The following CACNB4 variants were observed in gnomAD, a reference collection of about 807,000 sequenced individuals.
CACNB4 encodes the protein calcium voltage-gated channel auxiliary subunit beta 4, also known as voltage-dependent L-type calcium channel subunit beta-4.
A neutral mutation model predicts 71.2 loss-of-function variants in CACNB4; 32 were observed. The ratio of observed to expected loss-of-function variants is 0.45; its 90% CI spans 0.34 to 0.60. The LOEUF (loss-of-function observed/expected upper bound fraction) is 0.60, where lower values mean the gene tolerates loss of function less well. Among genes scored for constraint, CACNB4 ranks in the 20% least tolerant of loss-of-function variants. CACNB4 has a pLI of 0.01. For synonymous variants in CACNB4, 231 were observed against 236.9 expected (o/e 0.97, Z 0.23); for missense variants, 464 against 647.9 (o/e 0.72, Z 3.08).
At chr2:152,071,045 C>T (rs961809770) in intron 2 of CACNB4, among the ~76,000 whole-genome samples, 9 of 152,248 alleles carry the variant, frequency 5.9e-5, no homozygotes, top group African/African-American at 2.2e-4. Flanking sequence ...AGATTACAGG[C>T]GTGAGCCACT....
chr2:152,016,630 T>G (rs1203265319), intron 2 of CACNB4, among the ~76,000 whole-genome samples: 1 of 152,230 alleles, frequency 6.6e-6, no homozygotes, highest in Non-Finnish European at 1.5e-5. Context: ...GACATGACCA[T>G]GACCCACAGT....
At chr2:151,859,056 T>C (rs1294062472) in intron 10 of CACNB4, 4 of 152,220 alleles carry the variant, frequency 2.6e-5, no homozygotes, top group Non-Finnish European at 1.5e-5. Context: ...CAATAAACAT[T>C]TGATGAAGGA....
intron 2 of CACNB4, among the ~76,000 whole-genome samples, chr2:152,001,471 C>T (rs955479609): frequency 6.9e-6 from 1 of 144,586 alleles, no homozygotes; most frequent in African/African-American, 2.6e-5. Flanking sequence ...GGTGGATCAC[C>T]TGAGGTCAGG....
chr2:151,855,455 G>A (rs1464468024), intron 10 of CACNB4, 80 bp from the exon 11 acceptor site: 1 of 1,066,502 alleles, frequency 9.4e-7, no homozygotes, highest in Non-Finnish European at 1.3e-6. Context: ...TATATTTTCA[G>A]ATATGTTGGT....
At chr2:151,890,722 A>G (rs2099850534) in intron 2 of CACNB4, among the ~76,000 whole-genome samples, 1 of 152,208 alleles carries the variant, frequency 6.6e-6, no homozygotes, top group Non-Finnish European at 1.5e-5. Flanking sequence ...TGATAGACGT[A>G]TTTTTTAAAA....
At chr2:152,054,921 T>C (rs1268321683) in intron 2 of CACNB4, among the ~76,000 whole-genome samples, 1 of 152,206 alleles carries the variant, frequency 6.6e-6, no homozygotes, top group African/African-American at 2.4e-5. Flanking sequence ...GAAACGTCTT[T>C]TCTACTGAGT....
Position 151,897,086 on chromosome 2 carries a change from G to T in CACNB4, c.148-13716C>A, listed in dbSNP as rs58227631. On this transcript the variant is annotated intron_variant, in intron 2 of 13. Transcript: ENST00000539935. ...CTCTTTCTGTCTCTGCATTTAGATTGAACTAAAAATTACTGAGAATGCTAG... is the reference window on the plus strand; with the variant it reads ...CTCTTTCTGTCTCTGCATTTAGATTTAACTAAAAATTACTGAGAATGCTAG... Among the ~76,000 whole-genome samples, 118 of 152,304 alleles carry T rather than the reference G, an allele frequency of 7.7e-4. 1 individual carries two copies. Among genetic ancestry groups the T allele is most frequent in the African/African-American group, 2.6e-3 (106 of 41,562 alleles).
intron 2 of CACNB4, among the ~76,000 whole-genome samples, chr2:152,078,937 C>T (rs925664973): frequency 1.3e-5 from 2 of 152,118 alleles, no homozygotes; most frequent in African/African-American, 4.8e-5. Context: ...GTGTGTGGTC[C>T]ACCATGTCTC....
intron 2 of CACNB4, among the ~76,000 whole-genome samples, chr2:151,986,001 T>G (rs569212032): frequency 5.9e-5 from 9 of 152,320 alleles, no homozygotes; most frequent in Admixed American, 6.5e-5. Context: ...GGCAAATGAA[T>G]GAGACGACTG....
intron 2 of CACNB4, among the ~76,000 whole-genome samples, chr2:151,893,537 C>G (rs1455525806): frequency 2.0e-5 from 3 of 152,080 alleles, no homozygotes; most frequent in Non-Finnish European, 4.4e-5. Flanking sequence ...CCATCGCACT[C>G]AGTCTTATAG....
chr2:151,941,275 ATTTTTTT>A (rs11346045), intron 2 of CACNB4, among the ~76,000 whole-genome samples: 3 of 112,302 alleles, frequency 2.7e-5, no homozygotes, highest in Non-Finnish European at 5.3e-5. Context: ...AAAATGGTTA[ATTTTTTT>A]TTTTTTTTTT....
chr2:152,063,204 T>A (rs1686115361), intron 2 of CACNB4, among the ~76,000 whole-genome samples: 1 of 152,210 alleles, frequency 6.6e-6, no homozygotes, highest in Admixed American at 6.5e-5. Context: ...TTAGTTATTC[T>A]CAACCAGTTT....
At chr2:151,884,841 AG>A (rs1213677333) in intron 2 of CACNB4, among the ~76,000 whole-genome samples, 1 of 152,254 alleles carries the variant, frequency 6.6e-6, no homozygotes, top group East Asian at 1.9e-4. Flanking sequence ...TACACAGCAG[AG>A]GTATTGGGAG....
intron 2 of CACNB4, among the ~76,000 whole-genome samples, chr2:151,982,459 C>T (rs1450074943): frequency 9.9e-5 from 15 of 152,028 alleles, no homozygotes; most frequent in Admixed American, 9.8e-4. Context: ...CAGTGAAACC[C>T]TGTCTCTACT....
chr2:151,899,377 G>A (rs2099852844), intron 2 of CACNB4, among the ~76,000 whole-genome samples: 1 of 152,066 alleles, frequency 6.6e-6, no homozygotes, highest in Non-Finnish European at 1.5e-5. Flanking sequence ...CAGAAGGAAG[G>A]TCCCTGGAAT....
intron 2 of CACNB4, among the ~76,000 whole-genome samples, chr2:152,024,056 A>T (rs1244303811): frequency 6.6e-6 from 1 of 152,218 alleles, no homozygotes. Flanking sequence ...ACAGTGGCTC[A>T]CGCCTGCAAG....
intron 2 of CACNB4, chr2:151,973,376 T>C: frequency 2.6e-6 from 1 of 385,344 alleles, no homozygotes; most frequent in Non-Finnish European, 4.7e-6. Context: ...CAAGGAGCAG[T>C]TACCCCTGGT....
Position 151,842,011 on chromosome 2 carries a change from G to C in CACNB4, c.1194C>G (p.Tyr398Ter). 6.2e-7 allele frequency: 1 copy of C among 1,613,866 alleles called. No homozygotes were observed. Among genetic ancestry groups the C allele is most frequent in the Non-Finnish European group, 8.5e-7 (1 of 1,179,776 alleles). Reference sequence around the variant, plus strand: ...TACTGGTTGTGTGGGTGGCACGCCAGTACGCCTCCAGGTACTCCCCTAGAT... The same window carrying C: ...TACTGGTTGTGTGGGTGGCACGCCACTACGCCTCCAGGTACTCCCCTAGAT... ...CEHLGEYLEA[Y>*]WRATHTTSST... is the part of the protein sequence containing the mutation. Residue 398 changes from tyrosine (Y) to a stop codon, truncating the protein, a stop_gained, in exon 13 of 14, where the codon TAC (tyrosine) becomes TAG (stop). Transcript: ENST00000539935. LOFTEE classifies it high-confidence loss of function.
chr2:151,933,505 G>C (rs752511363), intron 2 of CACNB4, among the ~76,000 whole-genome samples: 1 of 151,908 alleles, frequency 6.6e-6, no homozygotes, highest in Non-Finnish European at 1.5e-5. Flanking sequence ...CATCCCTCTT[G>C]TAACAGATAG....
Sources: allele counts gnomAD v4.1 joint callset (sites outside exome capture counted in the v4.1 genomes callset), GRCh38; gene constraint gnomAD v4.1.1; transcripts MANE v1.5; gene names NCBI Gene and HGNC (gene_info 2026-07-23, HGNC 2026-07-21).